METTL25: variants seen among roughly 807,000 people sequenced by gnomAD.
The protein encoded by METTL25 is methyltransferase like 25, also known as probable methyltransferase-like protein 25.
METTL25 carries 64 observed loss-of-function variants against 71.6 expected under a neutral mutation model. The observed-to-expected ratio is 0.89, with a 90% CI of 0.73 to 1.10. The LOEUF (loss-of-function observed/expected upper bound fraction) is 1.10. Ranked by LOEUF, METTL25 falls within the 50% of genes least tolerant of loss-of-function variation. The pLI is 0.00. For synonymous variants in METTL25, 287 were observed against 250.3 expected (o/e 1.15, Z -1.38); for missense variants, 807 against 707.0 (o/e 1.14, Z -1.60).
At chr12:82,386,656 A>G in intron 1 of METTL25, 147 bp from the exon 2 acceptor site, 2 of 615,614 alleles carry the variant, frequency 3.2e-6, no homozygotes, top group South Asian at 4.4e-5. Flanking sequence ...ATATAAATGG[A>G]GCCATTAGAT....
intron 5 of METTL25, among the ~76,000 whole-genome samples, chr12:82,406,652 A>G (rs1029589745): frequency 1.3e-5 from 2 of 152,230 alleles, no homozygotes; most frequent in African/African-American, 4.8e-5. Context: ...TAGAGTTTAG[A>G]GAACATAAAA....
intron 1 of METTL25, among the ~76,000 whole-genome samples, chr12:82,385,098 C>T (rs1884847437): frequency 6.6e-6 from 1 of 151,978 alleles, no homozygotes. Flanking sequence ...AATTAATTTA[C>T]TCTAGTAATT....
At chr12:82,433,714 A>T (rs933900211) in intron 6 of METTL25, among the ~76,000 whole-genome samples, 1 of 151,576 alleles carries the variant, frequency 6.6e-6, no homozygotes, top group African/African-American at 2.4e-5. Context: ...TTATGAAAAG[A>T]TATTGTAAAT....
intron 9 of METTL25, among the ~76,000 whole-genome samples, chr12:82,470,534 CA>C (rs1394046803): frequency 4.0e-5 from 6 of 151,664 alleles, no homozygotes; most frequent in Non-Finnish European, 1.5e-5. Flanking sequence ...CAGGCTCTCT[CA>C]ACTAATTTTT....
At chr12:82,462,534 A>T (rs1283987040) in intron 9 of METTL25, among the ~76,000 whole-genome samples, 1 of 152,166 alleles carries the variant, frequency 6.6e-6, no homozygotes, top group Non-Finnish European at 1.5e-5. Context: ...CTATAACATG[A>T]GACCATGAAT....
intron 5 of METTL25, among the ~76,000 whole-genome samples, chr12:82,422,992 T>G (rs7133073): frequency 1 from 151,749 of 152,288 alleles, 75,608 homozygotes; most frequent in Middle Eastern, 1. Flanking sequence ...TAGAGATTCA[T>G]TGCCATCCCC....
chr12:82,363,419 T>C (rs778451122), intron 1 of METTL25, among the ~76,000 whole-genome samples: 5 of 152,098 alleles, frequency 3.3e-5, no homozygotes, highest in African/African-American at 4.8e-5. Flanking sequence ...AGTCTTTGAA[T>C]TGTAAAAAAA....
At chr12:82,412,589 G>A (rs1402814104) in intron 5 of METTL25, among the ~76,000 whole-genome samples, 1 of 152,014 alleles carries the variant, frequency 6.6e-6, no homozygotes, top group African/African-American at 2.4e-5. Flanking sequence ...GTAAAACATC[G>A]CTATATAAAT....
chr12:82,460,970 C>T (rs1222303482), intron 9 of METTL25, among the ~76,000 whole-genome samples: 1 of 152,072 alleles, frequency 6.6e-6, no homozygotes, highest in East Asian at 1.9e-4. Flanking sequence ...AGTGAAACCC[C>T]ATCTCTACTA....
chr12:82,361,580 G>A (rs1027066148), intron 1 of METTL25, among the ~76,000 whole-genome samples: 7 of 152,202 alleles, frequency 4.6e-5, no homozygotes, highest in Non-Finnish European at 7.3e-5. Flanking sequence ...GGCAGCTGAG[G>A]CCCGGTGAGA....
intron 1 of METTL25, among the ~76,000 whole-genome samples, chr12:82,360,270 A>G (rs1881662418): frequency 6.6e-6 from 1 of 152,140 alleles, no homozygotes; most frequent in Non-Finnish European, 1.5e-5. Flanking sequence ...ATTATTTGAT[A>G]TTTACTATAT....
chr12:82,362,447 C>T (rs893580185), intron 1 of METTL25, among the ~76,000 whole-genome samples: 1 of 152,070 alleles, frequency 6.6e-6, no homozygotes, highest in East Asian at 1.9e-4. Flanking sequence ...GGTAATTCAG[C>T]TAATATATAG....
At chr12:82,385,808 G>A (rs1375698505) in intron 1 of METTL25, among the ~76,000 whole-genome samples, 1 of 152,090 alleles carries the variant, frequency 6.6e-6, no homozygotes, top group East Asian at 1.9e-4. Flanking sequence ...CCTTGCTGTA[G>A]TCACTAAAGG....
chr12:82,411,039 C>G (rs562661816), intron 5 of METTL25, among the ~76,000 whole-genome samples: 1 of 152,064 alleles, frequency 6.6e-6, no homozygotes, highest in Admixed American at 6.6e-5. Flanking sequence ...CTTGGCTGAC[C>G]CTCCTATTAT....
intron 1 of METTL25, among the ~76,000 whole-genome samples, chr12:82,368,313 C>T (rs1882801411): frequency 6.6e-6 from 1 of 152,102 alleles, no homozygotes; most frequent in East Asian, 1.9e-4. Context: ...CAATATGGTG[C>T]CTACATTTTT....
intron 9 of METTL25, among the ~76,000 whole-genome samples, chr12:82,458,660 G>A (rs1163948094): frequency 1.3e-5 from 2 of 152,056 alleles, no homozygotes; most frequent in South Asian, 2.1e-4. Flanking sequence ...TCCATCAAGG[G>A]GAGGAAAAAA....
rs1467815108 is a variant in METTL25, at chr12:82,358,658, G to C, written c.93G>C (p.Leu31=). ...TGCTGCAGTTCCTGAGGGATGCCCT[G>C]TCCATTTCCAATGCACATACCGTGG... ...QGLLQFLRDA[L]SISNAHTVDF... Residue 31 remains leucine (L), a synonymous_variant, in exon 1 of 12, where the codon CTG becomes CTC. Transcript: ENST00000248306. The C allele has an allele frequency of 1.2e-6, 2 of 1,614,178 alleles. No homozygotes were observed. Among genetic ancestry groups the C allele is most frequent in the Admixed American group, 3.3e-5 (2 of 60,026 alleles).
chr12:82,424,128 A>G (rs1319831524), intron 5 of METTL25, among the ~76,000 whole-genome samples: 2 of 152,218 alleles, frequency 1.3e-5, no homozygotes, highest in Admixed American at 1.3e-4. Context: ...AAAGACTTGG[A>G]ACCAACCCAA....
At chr12:82,469,560 C>G (rs1892449145) in intron 9 of METTL25, among the ~76,000 whole-genome samples, 1 of 151,940 alleles carries the variant, frequency 6.6e-6, no homozygotes, top group Admixed American at 6.5e-5. Flanking sequence ...AATTACCTCC[C>G]ACCAGGTCCC....
Sources: gnomAD v4.1 joint callset for allele counts (sites outside exome capture counted in the v4.1 genomes callset) on GRCh38, gnomAD v4.1.1 for gene constraint, MANE v1.5 for transcripts, NCBI Gene and HGNC (gene_info 2026-07-23, HGNC 2026-07-21) for gene names.